EVA1C: variants seen among roughly 807,000 people sequenced by gnomAD.
The protein encoded by EVA1C is eva-1 homolog C.
Under a neutral mutation model 45.4 loss-of-function variants are expected in EVA1C, and 25 were observed. The ratio of observed to expected loss-of-function variants is 0.55; its 90% CI spans 0.40 to 0.77. The LOEUF is 0.77. Among genes scored for constraint, EVA1C ranks in the 30% least tolerant of loss-of-function variants. The pLI is 0.00. For synonymous variants in EVA1C, 190 were observed against 221.2 expected, an observed-to-expected ratio of 0.86 and a Z score of 1.25; for missense variants, 479 against 554.8, an observed-to-expected ratio of 0.86 and a Z score of 1.37.
chr21:32,422,925 G>C (rs769469893), intron 1 of EVA1C, among the ~76,000 whole-genome samples: 1 of 151,850 alleles, frequency 6.6e-6, no homozygotes, highest in Non-Finnish European at 1.5e-5. Flanking sequence ...ACAAAAATTA[G>C]CTGGGCATGG....
chr21:32,429,157 CA>C (rs1392452980), intron 1 of EVA1C, among the ~76,000 whole-genome samples: 1 of 151,520 alleles, frequency 6.6e-6, no homozygotes, highest in Non-Finnish European at 1.5e-5. Flanking sequence ...TCACTTAACC[CA>C]GCCTCCCAAG....
chr21:32,462,985 T>G (rs182815148), intron 3 of EVA1C, among the ~76,000 whole-genome samples: 35 of 152,226 alleles, frequency 2.3e-4, no homozygotes, highest in Admixed American at 1.7e-3. Flanking sequence ...ACCTCTATAT[T>G]TCTGTGTGTG....
intron 1 of EVA1C, among the ~76,000 whole-genome samples, chr21:32,437,682 T>C (rs2035011900): frequency 6.6e-6 from 1 of 152,204 alleles, no homozygotes; most frequent in African/African-American, 2.4e-5. Context: ...GGTTACCTGC[T>C]GGCATCACCT....
chr21:32,478,522 G>A (rs1010880435), intron 4 of EVA1C, among the ~76,000 whole-genome samples: 4 of 152,196 alleles, frequency 2.6e-5, no homozygotes, highest in Non-Finnish European at 5.9e-5. Flanking sequence ...TGCCCAGCCT[G>A]ATGTCTAATC....
At chr21:32,466,663 T>C (rs1214735960) in intron 3 of EVA1C, among the ~76,000 whole-genome samples, 2 of 152,142 alleles carry the variant, frequency 1.3e-5, no homozygotes, top group African/African-American at 4.8e-5. Flanking sequence ...TAACCTAGAA[T>C]GCACCATCAG....
chr21:32,491,431 G>A lies in EVA1C; in HGVS notation c.635-3596G>A, dbSNP rs1333939666. ...GGGCCGGGCACGGTGGCTCACGCCT[G>A]TAATCCCAGCACTTTGGGCGGCCGA... is the stretch of plus-strand genomic sequence containing the variant. On this transcript the variant is annotated intron_variant, in intron 4 of 7. Transcript: ENST00000300255. Among the ~76,000 whole-genome samples the A allele has an allele frequency of 5.3e-5, 8 of 152,024 alleles. 1 individual carries two copies. Among genetic ancestry groups the A allele is most frequent in the Admixed American group, 3.3e-4 (5 of 15,254 alleles).
chr21:32,421,386 T>C (rs1328741316), intron 1 of EVA1C, among the ~76,000 whole-genome samples: 1 of 152,170 alleles, frequency 6.6e-6, no homozygotes, highest in South Asian at 2.1e-4. Context: ...AAAAGGTGGA[T>C]GTAAAACAAA....
At chr21:32,491,681 C>CAAAA (rs34286023) in intron 4 of EVA1C, among the ~76,000 whole-genome samples, 9 of 57,664 alleles carry the variant, frequency 1.6e-4, no homozygotes, top group South Asian at 7.8e-4. Context: ...GAGACTCTGT[C>CAAAA]AAAAAAAAAA....
At chr21:32,454,762 T>C (rs996903842) in intron 2 of EVA1C, among the ~76,000 whole-genome samples, 2 of 152,148 alleles carry the variant, frequency 1.3e-5, no homozygotes, top group African/African-American at 4.8e-5. Flanking sequence ...GCTTTAATGC[T>C]GTGTAGCTCT....
At chr21:32,423,302 G>C (rs374133649) in intron 1 of EVA1C, among the ~76,000 whole-genome samples, 1 of 152,006 alleles carries the variant, frequency 6.6e-6, no homozygotes, top group East Asian at 1.9e-4. Context: ...GATACTCAAG[G>C]CTCCTCCACA....
intron 4 of EVA1C, among the ~76,000 whole-genome samples, chr21:32,479,662 CA>C (rs956406860): frequency 9.2e-5 from 14 of 152,026 alleles, no homozygotes; most frequent in African/African-American, 3.1e-4. Context: ...CTGAAAAGTG[CA>C]AAAGCAACCC....
chr21:32,479,346 C>T (rs2036694405), intron 4 of EVA1C, among the ~76,000 whole-genome samples: 1 of 152,148 alleles, frequency 6.6e-6, no homozygotes, highest in African/African-American at 2.4e-5. Flanking sequence ...TCACTTGAAC[C>T]TGGGAGGCGG....
chr21:32,493,959 C>T (rs1230015984), intron 4 of EVA1C, among the ~76,000 whole-genome samples: 1 of 152,032 alleles, frequency 6.6e-6, no homozygotes, highest in African/African-American at 2.4e-5. Flanking sequence ...GCCACCACAC[C>T]CGGCTAATTT....
intron 3 of EVA1C, among the ~76,000 whole-genome samples, chr21:32,466,301 C>T (rs1343180178): frequency 6.6e-6 from 1 of 151,862 alleles, no homozygotes; most frequent in Non-Finnish European, 1.5e-5. Flanking sequence ...TGCCTGTAGT[C>T]CCAGCTACTT....
intron 1 of EVA1C, among the ~76,000 whole-genome samples, chr21:32,418,022 G>T (rs2034117575): frequency 6.6e-6 from 1 of 152,028 alleles, no homozygotes; most frequent in Non-Finnish European, 1.5e-5. Flanking sequence ...GTGGCTGGGT[G>T]TCCCCTTCAC....
At chr21:32,450,697 T>C (rs1468194888) in intron 1 of EVA1C, among the ~76,000 whole-genome samples, 2 of 151,474 alleles carry the variant, frequency 1.3e-5, no homozygotes, top group African/African-American at 4.9e-5. Context: ...CCAAGAAGGC[T>C]GGAATTTTCA....
chr21:32,473,622 C>T (rs902697285), intron 4 of EVA1C, among the ~76,000 whole-genome samples: 3 of 152,240 alleles, frequency 2.0e-5, no homozygotes, highest in African/African-American at 7.2e-5. Flanking sequence ...CTCCCAGCCT[C>T]CTCCGGGCAT....
At chr21:32,462,002 T>A (rs1025667026) in intron 3 of EVA1C, among the ~76,000 whole-genome samples, 34 of 152,076 alleles carry the variant, frequency 2.2e-4, no homozygotes, top group African/African-American at 7.7e-4. Context: ...GAAAACACAG[T>A]GTTGTATGTA....
chr21:32,456,843 A>G (rs1192093350), intron 2 of EVA1C, among the ~76,000 whole-genome samples: 1 of 152,248 alleles, frequency 6.6e-6, no homozygotes, highest in East Asian at 1.9e-4. Flanking sequence ...GACCTGGAGG[A>G]GGGTGTTCTG....
Sources: gnomAD v4.1 joint callset for allele counts (sites outside exome capture counted in the v4.1 genomes callset) on GRCh38, gnomAD v4.1.1 for gene constraint, MANE v1.5 for transcripts, NCBI Gene and HGNC (gene_info 2026-07-23, HGNC 2026-07-21) for gene names.